The following TLK2 variants were observed in gnomAD, a reference collection of about 807,000 sequenced individuals.
TLK2 encodes tousled like kinase 2, also known as serine/threonine-protein kinase tousled-like 2.
In TLK2, 6 loss-of-function variants were observed where a neutral mutation model predicts 117.3. The observed-to-expected ratio is 0.05, with a 90% CI of 0.03 to 0.10. The LOEUF is 0.10. Among genes scored for constraint, TLK2 ranks in the 10% least tolerant of loss-of-function variants. The pLI is 1.00. For synonymous variants in TLK2, 257 were observed against 316.7 expected (o/e 0.81, Z 2.00); for missense variants, 299 against 901.2 (o/e 0.33, Z 8.56).
At position 62,560,042 on chromosome 17, in the gene TLK2, T is replaced by A; in HGVS notation, c.747T>A (p.Ile249=). 1 of 1,610,714 alleles carries A rather than the reference T, an allele frequency of 6.2e-7. No homozygotes were observed. Among genetic ancestry groups the A allele is most frequent in the East Asian group, 2.2e-5 (1 of 44,698 alleles). Residue 249 remains isoleucine (I), a synonymous_variant, in exon 10 of 22, where the codon ATT becomes ATA. Coordinates refer to ENST00000346027, the MANE Select transcript of TLK2 (RefSeq NM_006852.6). The part of the protein sequence containing the change: ...LRANCDLRRQ[I]DEQQKMLEKY... ...CCAACTGTGATTTGAGACGGCAGAT[T>A]GATGAACAGCAAAAGATGCTAGAGA...
intron 16 of TLK2, among the ~76,000 whole-genome samples, chr17:62,594,789 T>TACAC (rs143695451): frequency 0.02 from 2,910 of 145,454 alleles, 36 homozygotes; most frequent in Middle Eastern, 0.036. Context: ...GCAGGGCGGG[T>TACAC]ACACACACAC....
At chr17:62,603,968 T>C (rs2083062178) in intron 19 of TLK2, among the ~76,000 whole-genome samples, 1 of 139,404 alleles carries the variant, frequency 7.2e-6, no homozygotes, top group African/African-American at 2.7e-5. Flanking sequence ...CTACATTGAA[T>C]ACTTTATTTA....
At chr17:62,576,405 GT>G (rs1366298191) in intron 12 of TLK2, among the ~76,000 whole-genome samples, 5 of 152,114 alleles carry the variant, frequency 3.3e-5, no homozygotes, top group African/African-American at 9.7e-5. Context: ...CTCTGAATGA[GT>G]TTTTATCTTA....
At chr17:62,474,068 G>T (rs1271464714), upstream of TLK2, among the ~76,000 whole-genome samples, 2 of 151,818 alleles carry the variant, frequency 1.3e-5, no homozygotes, top group Non-Finnish European at 2.9e-5. Flanking sequence ...TCTAACTTTT[G>T]TATTTTTTTT....
intron 11 of TLK2, among the ~76,000 whole-genome samples, chr17:62,568,787 G>A (rs2080018106): frequency 6.6e-6 from 1 of 151,896 alleles, no homozygotes; most frequent in Admixed American, 6.6e-5. Context: ...GTTTTGCCAT[G>A]TTGGCCAGGC....
intron 9 of TLK2, among the ~76,000 whole-genome samples, chr17:62,558,039 C>T (rs1464329547): frequency 4.6e-5 from 7 of 151,996 alleles, no homozygotes; most frequent in African/African-American, 1.2e-4. Context: ...TCTAGAGGAT[C>T]GACAGTGAGG....
Position 62,473,318 on chromosome 17 carries a change from A to T in TLK2, c.-205+2240A>T, listed in dbSNP as rs575005069. Among the ~76,000 whole-genome samples, 38 of 152,294 alleles carry T rather than the reference A, an allele frequency of 2.5e-4. No homozygotes were observed. In the South Asian group the frequency reaches 7.5e-3, roughly 30 times the overall value. On this transcript the variant is annotated intron_variant, in intron 1 of 4. Transcript: ENST00000579450. ...ATGATGACCATGACCCTCTGGTTTC[A>T]GTTCAGTCAATGAATGGGGAGCAAA...
chr17:62,580,572 G>T (rs1567963589), intron 15 of TLK2, among the ~76,000 whole-genome samples: 2 of 152,130 alleles, frequency 1.3e-5, no homozygotes, highest in East Asian at 1.9e-4. Context: ...ATAAGAATAG[G>T]TTTTTTTCCA....
intron 2 of TLK2, among the ~76,000 whole-genome samples, chr17:62,483,418 T>C (rs577695659): frequency 5.9e-5 from 9 of 152,388 alleles, no homozygotes; most frequent in African/African-American, 1.9e-4. Flanking sequence ...AAAACTTTAA[T>C]ACAGTAACCT....
intron 19 of TLK2, among the ~76,000 whole-genome samples, chr17:62,603,038 G>C (rs2082988106): frequency 1.3e-5 from 2 of 152,140 alleles, no homozygotes; most frequent in African/African-American, 4.8e-5. Flanking sequence ...TTCAAGAGTT[G>C]CAAGAGAAGG....
intron 2 of TLK2, among the ~76,000 whole-genome samples, chr17:62,497,020 G>A (rs1033965376): frequency 6.6e-6 from 1 of 151,700 alleles, no homozygotes; most frequent in African/African-American, 2.4e-5. Context: ...CATTTTGGGT[G>A]GCCGAGGCAA....
intron 11 of TLK2, among the ~76,000 whole-genome samples, chr17:62,572,695 G>A (rs532755920): frequency 6.6e-6 from 1 of 152,278 alleles, no homozygotes; most frequent in East Asian, 1.9e-4. Flanking sequence ...GTGTAGAGTA[G>A]TAATGGCTCC....
At position 62,495,049 on chromosome 17, in the gene TLK2, C is replaced by T. The variant is rs576913676; in HGVS notation, c.81+13843C>T. 4.9e-4 allele frequency among the ~76,000 whole-genome samples: 75 copies of T among 152,094 alleles called. 1 individual carries two copies. Among genetic ancestry groups the T allele is most frequent in the African/African-American group, 1.8e-3 (73 of 41,520 alleles). ...GGGCATGGTGGTGGGCACTTGTAAC[C>T]TCAACTACTTGGGAGGCTGAGGCAG... On this transcript the variant is annotated intron_variant, in intron 2 of 21. Coordinates refer to ENST00000346027, the MANE Select transcript of TLK2 (RefSeq NM_006852.6).
At chr17:62,597,344 C>G (rs1027423565) in intron 17 of TLK2, 1 of 152,248 alleles carries the variant, frequency 6.6e-6, no homozygotes, top group Middle Eastern at 3.4e-3. Flanking sequence ...TACTTCATTC[C>G]TTTTTATGGC....
chr17:62,569,250 T>C (rs934256520), intron 11 of TLK2, among the ~76,000 whole-genome samples: 1 of 149,254 alleles, frequency 6.7e-6, no homozygotes, highest in African/African-American at 2.5e-5. Flanking sequence ...TGCAGTGAGC[T>C]GAGATCACGC....
At chr17:62,557,217 G>A (rs1224694496) in intron 9 of TLK2, among the ~76,000 whole-genome samples, 2 of 152,156 alleles carry the variant, frequency 1.3e-5, no homozygotes, top group East Asian at 1.9e-4. Flanking sequence ...GAGCCACCGT[G>A]CCAGGCCTAT....
At position 62,536,366 on chromosome 17, in the gene TLK2, T is replaced by A. The variant is rs551572435; in HGVS notation, c.531+29T>A. On this transcript the variant is annotated intron_variant, in intron 7 of 21. Transcript: ENST00000346027. ...AGTACAAAGCCTAAGTTAATTCATA[T>A]CCTTTCCATTGCCCTAGTGCTCCTT... 1.3e-5 allele frequency: 21 copies of A among 1,590,798 alleles called. No individual in the cohort carries two copies. In the South Asian group the frequency reaches 2.3e-4, roughly 17 times the overall value.
intron 6 of TLK2, among the ~76,000 whole-genome samples, chr17:62,532,442 GT>G (rs2076807720): frequency 1.3e-5 from 2 of 152,142 alleles, no homozygotes; most frequent in African/African-American, 4.8e-5. Flanking sequence ...GGTTTAAACT[GT>G]TACATTTGCT....
intron 2 of TLK2, among the ~76,000 whole-genome samples, chr17:62,498,545 A>G (rs1220638943): frequency 1.3e-5 from 2 of 151,790 alleles, no homozygotes; most frequent in African/African-American, 4.8e-5. Flanking sequence ...GTGCGCCACC[A>G]CACCCAGCTA....
Sources: allele counts gnomAD v4.1 joint callset (sites outside exome capture counted in the v4.1 genomes callset), GRCh38; gene constraint gnomAD v4.1.1; transcripts MANE v1.5; gene names NCBI Gene and HGNC (gene_info 2026-07-23, HGNC 2026-07-21).